Variants in CLIP1 observed in about 807,000 individuals in gnomAD.
CLIP1 encodes the protein CAP-Gly domain-containing linker protein 1.
In CLIP1, 66 loss-of-function variants were observed where a neutral mutation model predicts 161.6. The ratio of observed to expected loss-of-function variants is 0.41; its 90% confidence interval spans 0.33 to 0.50. The LOEUF (loss-of-function observed/expected upper bound fraction) is 0.50. Among genes scored for constraint, CLIP1 ranks in the 20% least tolerant of loss-of-function variants. The pLI is 0.27. For synonymous variants in CLIP1, 598 were observed against 626.2 expected (o/e 0.96, Z 0.67); for missense variants, 1,376 against 1,702.0 (o/e 0.81, Z 3.37).
At position 122,328,063 on chromosome 12, in the gene CLIP1, G is replaced by T. The variant is rs937268710; in HGVS notation, c.3133C>A (p.Gln1045Lys). 1.2e-6 allele frequency: 2 copies of T among 1,614,174 alleles called. No homozygotes were observed. The highest frequency in any genetic ancestry group is 1.7e-5 in the Admixed American group (1 of 60,016). Residue 1045 changes from glutamine to lysine, a missense_variant, in exon 17 of 26, where the codon CAG (glutamine) becomes AAG (lysine). Around this residue, in one of 6 missense-constraint regions of CLIP1, gnomAD observed 948 missense variants for 1,134.8 expected, o/e 0.84. Coordinates refer to ENST00000620786, the MANE Select transcript of CLIP1 (RefSeq NM_001247997.2). ...TCCAGCAGCGTCTTCTGGAGGTTCT[G>T]TAGGATTTCTTCATGCTTGGTTTTT... ...ETKTKHEEIL[Q>K]NLQKTLLDTE...
intron 17 of CLIP1, among the ~76,000 whole-genome samples, chr12:122,320,462 C>A (rs955997969): frequency 2.0e-5 from 3 of 151,718 alleles, no homozygotes; most frequent in Non-Finnish European, 2.9e-5. Context: ...AATTAACAGG[C>A]CAGGCGCAGT....
intron 25 of CLIP1, 67 bp downstream of exon 25, chr12:122,273,971 G>A: frequency 6.9e-7 from 1 of 1,441,362 alleles, no homozygotes. Flanking sequence ...ACCCTCAAGT[G>A]GTCCGCCCGC....
chr12:122,309,433 T>C lies in CLIP1; in HGVS notation c.3594+329A>G, dbSNP rs145003111. ...AAAAAATCTTAAGAGAAAAATAATT[T>C]TGTAATCCAAGTAGTAGTAGGGTGA... On this transcript the variant is annotated intron_variant, in intron 20 of 25. Coordinates refer to ENST00000620786, the MANE Select transcript of CLIP1 (RefSeq NM_001247997.2). Among the ~76,000 whole-genome samples, 983 of 152,316 alleles carry C rather than the reference T, an allele frequency of 6.5e-3. 11 individuals are homozygous for C. The highest frequency in any genetic ancestry group is 0.037 in the Middle Eastern group (11 of 294).
At chr12:122,274,336 TTG>T (rs1206145057) in intron 24 of CLIP1, 174 bp from the exon 25 acceptor site, 3 of 546,766 alleles carry the variant, frequency 5.5e-6, no homozygotes, top group African/African-American at 3.8e-5. Flanking sequence ...CATGCTGAGA[TTG>T]TGTGAGTAAA....
chr12:122,394,289 C>T (rs962920221), intron 1 of CLIP1, among the ~76,000 whole-genome samples: 38 of 151,764 alleles, frequency 2.5e-4, no homozygotes, highest in African/African-American at 9.2e-4. Context: ...GAGTTTGAGA[C>T]CAGCCTGGCC....
intron 24 of CLIP1, chr12:122,275,644 G>GCGCACACACACA (rs773370301): frequency 3.2e-4 from 47 of 147,650 alleles, no homozygotes; most frequent in East Asian, 2.0e-3. Context: ...ACACACACGC[G>GCGCACACACACA]CACACACACA....
chr12:122,388,221 A>ATTT (rs202147907), intron 1 of CLIP1, among the ~76,000 whole-genome samples: 1 of 143,214 alleles, frequency 7.0e-6, no homozygotes, highest in Non-Finnish European at 1.5e-5. Context: ...TAGGCCAGCT[A>ATTT]TTTTTTTTTT....
intron 1 of CLIP1, among the ~76,000 whole-genome samples, chr12:122,401,487 G>A (rs1018383640): frequency 3.3e-5 from 5 of 151,964 alleles, no homozygotes; most frequent in Admixed American, 6.6e-5. Flanking sequence ...CCAAAACGGC[G>A]AAGCCCCATC....
At chr12:122,407,152 G>A (rs954347418) in intron 1 of CLIP1, among the ~76,000 whole-genome samples, 1 of 152,100 alleles carries the variant, frequency 6.6e-6, no homozygotes, top group Non-Finnish European at 1.5e-5. Flanking sequence ...ATACTAACGT[G>A]TAAAAAGAAG....
At chr12:122,297,305 T>C (rs1950512593) in intron 20 of CLIP1, among the ~76,000 whole-genome samples, 1 of 152,160 alleles carries the variant, frequency 6.6e-6, no homozygotes, top group Admixed American at 6.5e-5. Context: ...CATACACAAC[T>C]TCTGCTTTGT....
At chr12:122,414,540 C>G (rs1956658251) in intron 1 of CLIP1, among the ~76,000 whole-genome samples, 1 of 152,064 alleles carries the variant, frequency 6.6e-6, no homozygotes, top group Admixed American at 6.6e-5. Context: ...TCTCAGCTCA[C>G]TGCAACCTCC....
chr12:122,346,746 G>A (rs1161520875), intron 10 of CLIP1, among the ~76,000 whole-genome samples: 1 of 152,038 alleles, frequency 6.6e-6, no homozygotes, highest in Admixed American at 6.6e-5. Context: ...CAAGTAATCT[G>A]CCTGCCTCAG....
At chr12:122,290,707 A>G (rs1393066260) in intron 20 of CLIP1, among the ~76,000 whole-genome samples, 1 of 152,184 alleles carries the variant, frequency 6.6e-6, no homozygotes, top group Non-Finnish European at 1.5e-5. Context: ...TCTTTCTTAG[A>G]GGGTCCATGT....
rs80058863 is a variant in CLIP1, at chr12:122,296,998, C to G, written c.3595-8457G>C. Among the ~76,000 whole-genome samples the G allele has an allele frequency of 2.3e-3, 356 of 151,934 alleles. 2 individuals carry two copies. The highest frequency in any genetic ancestry group is 8.2e-3 in the African/African-American group (340 of 41,422). ...GAGATTCATTGTACTGCTCACTCTGCTTCTGTGTATGCTTGAAACTTTTCA... is the reference window on the plus strand; with the variant it reads ...GAGATTCATTGTACTGCTCACTCTGGTTCTGTGTATGCTTGAAACTTTTCA... On this transcript the variant is annotated intron_variant, in intron 20 of 25. Coordinates refer to ENST00000620786, the MANE Select transcript of CLIP1 (RefSeq NM_001247997.2).
chr12:122,281,649 G>A (rs975270231), intron 21 of CLIP1, among the ~76,000 whole-genome samples: 62 of 152,002 alleles, frequency 4.1e-4, no homozygotes, highest in African/African-American at 1.5e-3. Context: ...AGGAGCTTGA[G>A]GTTGTAGTGA....
chr12:122,381,685 C>T lies in CLIP1; in HGVS notation c.-106-1127G>A, dbSNP rs531794129. ...CTTGGATGATGAAGCACAGACCTCA[C>T]TTTCTCATCTTGTCTCCCTCACAGC... On this transcript the variant is annotated intron_variant, in intron 1 of 25. Coordinates refer to ENST00000620786, the MANE Select transcript of CLIP1 (RefSeq NM_001247997.2). 6.6e-5 allele frequency among the ~76,000 whole-genome samples: 10 copies of T among 152,328 alleles called. No individual in the cohort carries two copies. In the East Asian group the frequency reaches 1.9e-3, roughly 29 times the overall value.
intron 20 of CLIP1, among the ~76,000 whole-genome samples, chr12:122,302,204 G>T (rs963749471): frequency 6.6e-6 from 1 of 151,844 alleles, no homozygotes; most frequent in Non-Finnish European, 1.5e-5. Context: ...GGGTTCAGGC[G>T]ATTCTCCTGC....
rs370185091 is a variant in CLIP1 at position 122,333,151 on chromosome 12, T to C, written c.2711-8A>G. On this transcript the variant is annotated splice_polypyrimidine_tract_variant and splice_region_variant and intron_variant, in intron 14 of 25. Transcript: ENST00000620786. Reference sequence around the variant, plus strand: ...TAAATTTTGCCTCCATATCTAAATATATAGAGAAAAAAAGAATAGCACGGC... The same window carrying C: ...TAAATTTTGCCTCCATATCTAAATACATAGAGAAAAAAAGAATAGCACGGC... 8.7e-6 allele frequency: 14 copies of C among 1,600,444 alleles called. No homozygotes were observed. The African/African-American group carries it at 1.6e-4, about 18-fold the overall frequency.
intron 10 of CLIP1, among the ~76,000 whole-genome samples, chr12:122,344,800 G>C (rs1438702282): frequency 4.6e-5 from 7 of 152,172 alleles, no homozygotes; most frequent in Admixed American, 3.9e-4. Context: ...TTATTGGCTA[G>C]AAAGTATTCT....
Sources: allele counts gnomAD v4.1 joint callset (sites outside exome capture counted in the v4.1 genomes callset), GRCh38; gene constraint gnomAD v4.1.1; regional missense constraint gnomAD v4.1.1; transcripts MANE v1.5; gene names NCBI Gene and HGNC (gene_info 2026-07-23, HGNC 2026-07-21).